ESR1: variants seen among roughly 807,000 people sequenced by gnomAD.
ESR1 encodes estrogen receptor 1.
In ESR1, 12 loss-of-function variants were observed where a neutral mutation model predicts 52.7. The observed-to-expected ratio is 0.23, with a 90% CI of 0.15 to 0.37. The LOEUF (loss-of-function observed/expected upper bound fraction) is 0.37. ESR1 is among the 10% of genes least tolerant of loss of function. The pLI is 1.00. For missense variants in ESR1, 584 were observed against 779.7 expected, an observed-to-expected ratio of 0.75 and a Z score of 2.99; for synonymous variants, 305 against 316.8, an observed-to-expected ratio of 0.96 and a Z score of 0.39.
intron 4 of ESR1, among the ~76,000 whole-genome samples, chr6:151,968,875 G>T (rs1450355088): frequency 2.6e-5 from 4 of 152,108 alleles, no homozygotes; most frequent in Admixed American, 6.5e-5. Flanking sequence ...CCTGGTCAGA[G>T]CTGCCGTCTT....
intron 2 of ESR1, among the ~76,000 whole-genome samples, chr6:151,759,286 A>G (rs927569472): frequency 2.2e-4 from 33 of 151,400 alleles, no homozygotes; most frequent in Non-Finnish European, 3.7e-4. Context: ...AAAAAAAAAA[A>G]AAAGAAAACC....
At chr6:151,999,214 T>TA (rs2041754073) in intron 4 of ESR1, among the ~76,000 whole-genome samples, 1 of 152,146 alleles carries the variant, frequency 6.6e-6, no homozygotes, top group Admixed American at 6.6e-5. Context: ...TGCTATCACT[T>TA]AAAAGTAAAT....
chr6:152,124,126 C>A (rs2052474054), intron 6 of ESR1, among the ~76,000 whole-genome samples: 1 of 152,160 alleles, frequency 6.6e-6, no homozygotes, highest in Non-Finnish European at 1.5e-5. Context: ...GAGTTCAAGC[C>A]AGCCTGGCCA....
At chr6:152,077,070 C>G (rs549102877) in intron 6 of ESR1, among the ~76,000 whole-genome samples, 2 of 152,200 alleles carry the variant, frequency 1.3e-5, no homozygotes, top group Non-Finnish European at 2.9e-5. Flanking sequence ...CATGGCAGCC[C>G]CTCCCATCAC....
At chr6:152,035,688 A>G (rs2045232402) in intron 5 of ESR1, among the ~76,000 whole-genome samples, 2 of 152,240 alleles carry the variant, frequency 1.3e-5, no homozygotes. Context: ...AATAATTAAT[A>G]CAGTATGGCA....
At chr6:152,005,121 G>T (rs1158343475) in intron 4 of ESR1, among the ~76,000 whole-genome samples, 1 of 152,000 alleles carries the variant, frequency 6.6e-6, no homozygotes, top group Non-Finnish European at 1.5e-5. Flanking sequence ...GTGGAGGGCT[G>T]CTGGGTTCAG....
intron 3 of ESR1, among the ~76,000 whole-genome samples, chr6:151,910,005 A>G (rs1418149698): frequency 1.3e-5 from 2 of 151,986 alleles, no homozygotes; most frequent in African/African-American, 4.8e-5. Context: ...GCTGTAACCA[A>G]TTATCATTAT....
intron 6 of ESR1, among the ~76,000 whole-genome samples, chr6:152,113,613 T>G (rs975770193): frequency 5.3e-5 from 8 of 151,852 alleles, no homozygotes; most frequent in Non-Finnish European, 2.9e-5. Flanking sequence ...ACCACAATCT[T>G]AAAAAAGAAA....
chr6:152,117,475 C>T (rs1197295977), intron 6 of ESR1, among the ~76,000 whole-genome samples: 2 of 152,162 alleles, frequency 1.3e-5, no homozygotes, highest in Admixed American at 6.5e-5. Flanking sequence ...GACATAATTG[C>T]GGTTTTCAAA....
At chr6:151,688,403 G>C (rs1273908048), upstream of ESR1, among the ~76,000 whole-genome samples, 1 of 152,132 alleles carries the variant, frequency 6.6e-6, no homozygotes, top group Admixed American at 6.6e-5. Flanking sequence ...TTGAACCCTG[G>C]CCGCAGCTGG....
intron 1 of ESR1, among the ~76,000 whole-genome samples, chr6:151,823,838 A>G (rs1332631740): frequency 6.6e-6 from 1 of 152,188 alleles, no homozygotes; most frequent in Non-Finnish European, 1.5e-5. Flanking sequence ...TCCATGGTGT[A>G]TATGTGCCAC....
At chr6:151,953,125 T>C (rs7745370) in intron 4 of ESR1, among the ~76,000 whole-genome samples, 34,132 of 152,082 alleles carry the variant, frequency 0.22, 5,187 homozygotes, top group African/African-American at 0.43. Flanking sequence ...CCAAGATGCA[T>C]GTGGCTGACT....
chr6:151,904,376 T>C (rs927636084), intron 3 of ESR1, among the ~76,000 whole-genome samples: 1 of 152,236 alleles, frequency 6.6e-6, no homozygotes, highest in Admixed American at 6.5e-5. Context: ...CAGCTGACAC[T>C]GCTATATAGA....
At chr6:151,904,840 G>A (rs939183950) in intron 3 of ESR1, among the ~76,000 whole-genome samples, 2 of 152,076 alleles carry the variant, frequency 1.3e-5, no homozygotes, top group African/African-American at 4.8e-5. Flanking sequence ...CAAGATGTTG[G>A]TTTTTGGCAT....
In ESR1 at chr6:152,035,275, C is replaced by G. The variant is rs967009418; in HGVS notation, c.1235+23481C>G. On this transcript the variant is annotated intron_variant, in intron 5 of 7. Transcript: ENST00000206249. ...ATTTATATGAACCACAAATACAAAA[C>G]ATAATTATACATATATAATTTTATA... Among the ~76,000 whole-genome samples, 112 of 151,166 alleles carry G rather than the reference C, an allele frequency of 7.4e-4. 1 individual carries two copies. Among genetic ancestry groups the G allele is most frequent in the African/African-American group, 2.7e-3 (111 of 41,402 alleles).
chr6:152,083,042 G>C (rs924180221), intron 6 of ESR1, among the ~76,000 whole-genome samples: 25 of 152,080 alleles, frequency 1.6e-4, no homozygotes, highest in African/African-American at 5.6e-4. Context: ...TACTGCCCAA[G>C]GTAATTTATA....
At chr6:151,923,364 T>C (rs779321013) in intron 3 of ESR1, among the ~76,000 whole-genome samples, 1 of 152,200 alleles carries the variant, frequency 6.6e-6, no homozygotes, top group Non-Finnish European at 1.5e-5. Flanking sequence ...TTTTGACAAG[T>C]ATTTAATGTA....
At chr6:151,990,409 A>G (rs11965519) in intron 4 of ESR1, among the ~76,000 whole-genome samples, 4,332 of 152,070 alleles carry the variant, frequency 0.028, 215 homozygotes, top group African/African-American at 0.096. Flanking sequence ...TTGTTGGGTG[A>G]CTCTATTCCA....
chr6:152,028,672 G>T (rs1450527744), intron 5 of ESR1, among the ~76,000 whole-genome samples: 1 of 152,198 alleles, frequency 6.6e-6, no homozygotes, highest in African/African-American at 2.4e-5. Flanking sequence ...GGAGCCCACC[G>T]CAGCTCAAGG....
Sources: allele counts gnomAD v4.1 joint callset (sites outside exome capture counted in the v4.1 genomes callset), GRCh38; gene constraint gnomAD v4.1.1; transcripts MANE v1.5; gene names NCBI Gene and HGNC (gene_info 2026-07-23, HGNC 2026-07-21).